Variants in MYBPC2 observed in about 807,000 individuals in gnomAD.
MYBPC2 encodes the protein myosin binding protein C2, also known as myosin-binding protein C, fast-type.
A neutral mutation model predicts 137.0 loss-of-function variants in MYBPC2; 122 were observed. The observed-to-expected ratio is 0.89, with a 90% CI of 0.77 to 1.03. The LOEUF (loss-of-function observed/expected upper bound fraction) is 1.03. Among genes scored for constraint, MYBPC2 ranks in the 50% least tolerant of loss-of-function variants. The pLI, the probability that MYBPC2 is intolerant of heterozygous loss-of-function variation, is 0.00. For synonymous variants in MYBPC2, 626 were observed against 612.3 expected (o/e 1.02, Z -0.33); for missense variants, 1,500 against 1,534.4 (o/e 0.98, Z 0.37).
intron 13 of MYBPC2, among the ~76,000 whole-genome samples, chr19:50,450,159 A>T (rs2039842989): frequency 6.6e-6 from 1 of 152,188 alleles, no homozygotes; most frequent in Non-Finnish European, 1.5e-5. Context: ...TCCATCTCAA[A>T]CAAACAAACA....
At chr19:50,450,224 T>C (rs1395552475) in intron 13 of MYBPC2, among the ~76,000 whole-genome samples, 2 of 152,124 alleles carry the variant, frequency 1.3e-5, no homozygotes, top group African/African-American at 4.8e-5. Flanking sequence ...GGGCCCTTAC[T>C]ATGTGCCAGG....
At chr19:50,446,082 G>T (rs981016065) in intron 12 of MYBPC2, 30 bp downstream of exon 12, 3 of 1,603,122 alleles carry the variant, frequency 1.9e-6, no homozygotes, top group Non-Finnish European at 2.6e-6. Context: ...GGCACGGGCT[G>T]CACTGCGCAT....
At chr19:50,441,884 T>C (rs1171213188) in intron 8 of MYBPC2, among the ~76,000 whole-genome samples, 1 of 146,224 alleles carries the variant, frequency 6.8e-6, no homozygotes, top group African/African-American at 2.6e-5. Flanking sequence ...TAAAATAAAA[T>C]AAAATAAATA....
At chr19:50,452,724 A>G (rs1375623043) in intron 16 of MYBPC2, among the ~76,000 whole-genome samples, 1 of 151,958 alleles carries the variant, frequency 6.6e-6, no homozygotes, top group Admixed American at 6.6e-5. Flanking sequence ...TGCCTCGCTA[A>G]TTTTTTGTAT....
rs753205077 is a variant in MYBPC2, at chr19:50,455,626, G to A, written c.2320G>A (p.Glu774Lys). Residue 774 changes from glutamate to lysine, a missense_variant, in exon 20 of 28, where the codon GAG becomes AAG. By Grantham distance (56) the Glu-to-Lys change is moderately conservative. Transcript: ENST00000357701. ...GAGGIDGYLV[E>K]YCLEGSEEWV... ...AGGTGGCATCGATGGGTACCTGGTG[G>A]AGTACTGCCTGGAAGGCTGTGAGTG... 1.9e-6 allele frequency: 3 copies of A among 1,613,952 alleles called. No homozygotes were observed. The South Asian group carries it at 3.3e-5, about 18-fold the overall frequency.
At chr19:50,453,626 C>T (rs866773546) in intron 16 of MYBPC2, among the ~76,000 whole-genome samples, 2 of 151,868 alleles carry the variant, frequency 1.3e-5, no homozygotes, top group African/African-American at 4.8e-5. Flanking sequence ...CCACAACCTC[C>T]GCCTCCTGGG....
Position 50,459,244 on chromosome 19 carries a change from A to ACGAGCTGAG in MYBPC2, c.2732_2740dup (p.Glu911_Ser913dup). 5.0e-6 allele frequency: 8 copies of ACGAGCTGAG among 1,611,406 alleles called. No homozygotes were observed. Among genetic ancestry groups the ACGAGCTGAG allele is most frequent in the Non-Finnish European group, 5.9e-6 (7 of 1,179,534 alleles). On this transcript the variant is annotated inframe_insertion, in exon 23 of 28. Transcript: ENST00000357701. ...GCGGCCCGCTCCGACTCCGGGGAGT[A>ACGAGCTGAG]CGAGCTGAGCGTGCAGATCGAGAAC... is the stretch of plus-strand genomic sequence containing the variant.
chr19:50,455,047 C>T, intron 18 of MYBPC2, 61 bp from the exon 19 acceptor site: 1 of 1,486,640 alleles, frequency 6.7e-7, no homozygotes, highest in Non-Finnish European at 9.1e-7. Flanking sequence ...CTCACTCCCC[C>T]AGCTGACTCA....
Position 50,458,994 on chromosome 19 carries a change from C to G in MYBPC2, c.2583C>G (p.Val861=), listed in dbSNP as rs1180489308. ...AAGTGGGCGAGCAGCTCAACCTTGTCGTCCCCTTCCAGGTCAGGGGAGCGG... is the reference window on the plus strand; with the variant it reads ...AAGTGGGCGAGCAGCTCAACCTTGTGGTCCCCTTCCAGGTCAGGGGAGCGG... ...IRKVGEQLNL[V]VPFQGKPRPQ... is the part of the protein sequence containing the mutation. Residue 861 remains valine (V), a synonymous_variant, in exon 22 of 28, where the codon GTC becomes GTG. Coordinates refer to ENST00000357701, the MANE Select transcript of MYBPC2 (RefSeq NM_004533.4). The G allele has an allele frequency of 6.2e-7, 1 of 1,611,538 alleles. No individual in the cohort carries two copies. The highest frequency in any genetic ancestry group is 1.7e-5 in the Admixed American group (1 of 59,894).
At chr19:50,446,449 GTTGCAATGAGCTGAGA>G (rs2039806789) in intron 12 of MYBPC2, among the ~76,000 whole-genome samples, 1 of 151,794 alleles carries the variant, frequency 6.6e-6, no homozygotes. Flanking sequence ...GGAGGCGGAG[GTTGCAATGAGCTGAGA>G]TTGCTCCACT....
chr19:50,459,701 A>G (rs1191030783), intron 23 of MYBPC2, among the ~76,000 whole-genome samples: 1 of 93,448 alleles, frequency 1.1e-5, no homozygotes, highest in African/African-American at 4.4e-5. Context: ...GGGGGAGAGG[A>G]GGTGAAAAGA....
At chr19:50,441,162 TC>T in intron 8 of MYBPC2, 86 bp downstream of exon 8, 1 of 1,371,448 alleles carries the variant, frequency 7.3e-7, no homozygotes, top group Middle Eastern at 2.0e-4. Flanking sequence ...CCTGGACCTA[TC>T]TTTTCGAGGT....
intron 8 of MYBPC2, 141 bp from the exon 9 acceptor site, chr19:50,442,040 A>C (rs892566774): frequency 9.9e-6 from 11 of 1,109,532 alleles, no homozygotes; most frequent in Non-Finnish European, 1.4e-5. Flanking sequence ...AAGGATCTCT[A>C]AGTTCATAGG....
chr19:50,455,323 T>C, intron 19 of MYBPC2, 27 bp downstream of exon 19: 1 of 1,605,888 alleles, frequency 6.2e-7, no homozygotes, highest in East Asian at 2.2e-5. Flanking sequence ...CTTTTATGCC[T>C]ATTGGTAATG....
rs904387078 is a variant in MYBPC2 at position 50,459,087 on chromosome 19, C to T, written c.2596-24C>T. The T allele has an allele frequency of 1.1e-5, 17 of 1,549,090 alleles. No homozygotes were observed. The African/African-American group carries it at 2.2e-4, about 20-fold the overall frequency. Reference sequence around the variant, plus strand: ...TGCGGGTGGAGCCCCGCTGACCCCACCCCGCCCCGCCCTCTCCCCGCAGGG... The same window carrying T: ...TGCGGGTGGAGCCCCGCTGACCCCATCCCGCCCCGCCCTCTCCCCGCAGGG... On this transcript the variant is annotated intron_variant, in intron 22 of 27. Transcript: ENST00000357701.
intron 27 of MYBPC2, among the ~76,000 whole-genome samples, chr19:50,464,946 C>T (rs1380237744): frequency 6.6e-6 from 1 of 152,054 alleles, no homozygotes; most frequent in Non-Finnish European, 1.5e-5. Flanking sequence ...CCCCATGCTC[C>T]CACCCACCTG....
chr19:50,442,642 T>A (rs45526739), intron 9 of MYBPC2, among the ~76,000 whole-genome samples: 1 of 151,426 alleles, frequency 6.6e-6, no homozygotes, highest in Non-Finnish European at 1.5e-5. Context: ...GGAGGATCGC[T>A]TGAACCCAGG....
intron 13 of MYBPC2, among the ~76,000 whole-genome samples, chr19:50,450,570 G>A (rs922326387): frequency 2.0e-5 from 3 of 152,082 alleles, no homozygotes; most frequent in Non-Finnish European, 2.9e-5. Flanking sequence ...CACCTTTCTC[G>A]ATGCTTTACA....
intron 1 of MYBPC2, among the ~76,000 whole-genome samples, chr19:50,433,691 G>A (rs1005835841): frequency 7.3e-5 from 11 of 151,166 alleles, no homozygotes; most frequent in Admixed American, 1.3e-4. Flanking sequence ...CGCCGAGCCC[G>A]GCCAGACTGG....
Sources: allele counts gnomAD v4.1 joint callset (sites outside exome capture counted in the v4.1 genomes callset), GRCh38; gene constraint gnomAD v4.1.1; transcripts MANE v1.5; gene names NCBI Gene and HGNC (gene_info 2026-07-23, HGNC 2026-07-21).